LRRC4C: variants seen among roughly 807,000 people sequenced by gnomAD.
LRRC4C encodes the protein leucine rich repeat containing 4C.
LRRC4C carries 5 observed loss-of-function variants against 33.6 expected under a neutral mutation model. That is an observed-to-expected ratio of 0.15 (90% confidence interval 0.08 to 0.31). LRRC4C has a LOEUF of 0.31. LRRC4C is among the 10% of genes least tolerant of loss of function. LRRC4C has a pLI of 1.00. For missense variants in LRRC4C, 560 were observed against 796.7 expected (o/e 0.70, Z 3.58); for synonymous variants, 329 against 302.0 (o/e 1.09, Z -0.93).
intron 3 of LRRC4C, among the ~76,000 whole-genome samples, chr11:40,397,935 C>A (rs535174325): frequency 2.0e-5 from 3 of 152,178 alleles, no homozygotes; most frequent in African/African-American, 7.2e-5. Flanking sequence ...TATAAAGAGA[C>A]AACTGATCAC....
intron 1 of LRRC4C, among the ~76,000 whole-genome samples, chr11:41,041,415 A>C (rs1190554980): frequency 6.6e-6 from 1 of 152,210 alleles, no homozygotes; most frequent in Non-Finnish European, 1.5e-5. Flanking sequence ...TTCTGACTAC[A>C]TACAGGCATT....
At chr11:40,488,300 A>C (rs1953972423) in intron 3 of LRRC4C, among the ~76,000 whole-genome samples, 1 of 152,032 alleles carries the variant, frequency 6.6e-6, no homozygotes, top group South Asian at 2.1e-4. Flanking sequence ...CACTTAAAGG[A>C]AAATATCTTC....
intron 1 of LRRC4C, among the ~76,000 whole-genome samples, chr11:41,386,432 A>G (rs1415583100): frequency 6.6e-6 from 1 of 151,720 alleles, no homozygotes; most frequent in East Asian, 1.9e-4. Context: ...CCATGGTAGC[A>G]CTATTACAAC....
intron 1 of LRRC4C, among the ~76,000 whole-genome samples, chr11:41,388,193 T>C (rs570855457): frequency 4.6e-5 from 7 of 151,778 alleles, no homozygotes; most frequent in Non-Finnish European, 1.0e-4. Flanking sequence ...ACTGGGAGAA[T>C]AGACATGAAT....
intron 3 of LRRC4C, among the ~76,000 whole-genome samples, chr11:40,353,120 C>T (rs1947491329): frequency 6.6e-6 from 1 of 152,108 alleles, no homozygotes; most frequent in Admixed American, 6.5e-5. Flanking sequence ...TAATATCTTT[C>T]TCTAGGTATA....
chr11:40,827,431 G>T (rs1000824757), intron 2 of LRRC4C, among the ~76,000 whole-genome samples: 13 of 151,364 alleles, frequency 8.6e-5, no homozygotes, highest in Non-Finnish European at 1.3e-4. Flanking sequence ...AGACTAAAAA[G>T]AAAAAATAAA....
At chr11:40,271,959 C>T (rs1299508702) in intron 4 of LRRC4C, among the ~76,000 whole-genome samples, 2 of 152,126 alleles carry the variant, frequency 1.3e-5, no homozygotes, top group Non-Finnish European at 2.9e-5. Flanking sequence ...ACCATTTGGT[C>T]TATGTTCCTT....
At chr11:40,573,142 G>C (rs1357869388) in intron 3 of LRRC4C, among the ~76,000 whole-genome samples, 1 of 152,114 alleles carries the variant, frequency 6.6e-6, no homozygotes, top group Admixed American at 6.6e-5. Context: ...TTAGTTCTTA[G>C]ACTGAACTTA....
intron 1 of LRRC4C, among the ~76,000 whole-genome samples, chr11:41,267,570 A>G (rs542345527): frequency 2.6e-5 from 4 of 152,126 alleles, no homozygotes; most frequent in Non-Finnish European, 5.9e-5. Flanking sequence ...TGTAAGACCT[A>G]TTGCTACTAA....
chr11:40,996,573 T>C (rs924286630), intron 1 of LRRC4C, among the ~76,000 whole-genome samples: 2 of 152,116 alleles, frequency 1.3e-5, no homozygotes, highest in African/African-American at 4.8e-5. Context: ...GTTGGCCACA[T>C]GTGTCAGTCA....
At chr11:41,424,442 A>G (rs1192086244) in intron 1 of LRRC4C, among the ~76,000 whole-genome samples, 1 of 152,088 alleles carries the variant, frequency 6.6e-6, no homozygotes, top group Non-Finnish European at 1.5e-5. Context: ...TACCTCAAGT[A>G]ATACAGGGCA....
At chr11:41,065,559 C>A (rs2135392106) in intron 1 of LRRC4C, among the ~76,000 whole-genome samples, 1 of 152,320 alleles carries the variant, frequency 6.6e-6, no homozygotes, top group African/African-American at 2.4e-5. Context: ...AGCGCACCAG[C>A]TCTGCTAAGG....
At chr11:40,262,740 C>T (rs1941952050) in intron 4 of LRRC4C, among the ~76,000 whole-genome samples, 1 of 152,032 alleles carries the variant, frequency 6.6e-6, no homozygotes, top group Admixed American at 6.6e-5. Flanking sequence ...AACAGAAAAC[C>T]AAACACTGCA....
chr11:41,292,383 C>G (rs2137015660), intron 1 of LRRC4C, among the ~76,000 whole-genome samples: 2 of 151,748 alleles, frequency 1.3e-5, no homozygotes, highest in Non-Finnish European at 2.9e-5. Flanking sequence ...AGATCACCCA[C>G]AGATAACAAT....
intron 2 of LRRC4C, among the ~76,000 whole-genome samples, chr11:40,731,313 C>T (rs61887975): frequency 0.15 from 22,545 of 148,970 alleles, 1,781 homozygotes; most frequent in African/African-American, 0.17. Flanking sequence ...AGCCAGACTC[C>T]GTCTCAAAAT....
intron 1 of LRRC4C, among the ~76,000 whole-genome samples, chr11:41,382,781 C>T (rs1028444161): frequency 1.3e-5 from 2 of 152,058 alleles, no homozygotes; most frequent in Non-Finnish European, 2.9e-5. Context: ...GAAAGGAGAG[C>T]TTTGGGCAAC....
chr11:40,776,274 C>CTT (rs35762891), intron 2 of LRRC4C, among the ~76,000 whole-genome samples: 72 of 148,712 alleles, frequency 4.8e-4, no homozygotes, highest in African/African-American at 1.7e-3. Context: ...GGATTTTTCT[C>CTT]TTTTTTTTTT....
At chr11:40,677,706 A>G (rs1386514349) in intron 2 of LRRC4C, among the ~76,000 whole-genome samples, 2 of 152,232 alleles carry the variant, frequency 1.3e-5, no homozygotes, top group Non-Finnish European at 2.9e-5. Context: ...AGCTAAAAAC[A>G]GAAGAAAAAC....
chr11:40,481,200 TTA>T (rs1016777434), intron 3 of LRRC4C, among the ~76,000 whole-genome samples: 5 of 152,126 alleles, frequency 3.3e-5, no homozygotes, highest in Non-Finnish European at 7.4e-5. Context: ...CTTTCTTTTT[TTA>T]TAATTGCACC....
Sources: allele counts gnomAD v4.1 joint callset (sites outside exome capture counted in the v4.1 genomes callset), GRCh38; gene constraint gnomAD v4.1.1; transcripts MANE v1.5; gene names NCBI Gene and HGNC (gene_info 2026-07-23, HGNC 2026-07-21).